Variants in KIF24 observed in about 807,000 individuals in gnomAD.
KIF24 encodes kinesin family member 24.
In KIF24, 81 loss-of-function variants were observed where a neutral mutation model predicts 118.9. That is an observed-to-expected ratio of 0.68 (90% CI 0.57 to 0.82). The LOEUF (loss-of-function observed/expected upper bound fraction) is 0.82. Ranked by LOEUF, KIF24 falls within the 40% of genes least tolerant of loss-of-function variation. The pLI is 0.00. For missense variants in KIF24, 1,560 were observed against 1,661.6 expected (o/e 0.94, Z 1.06); for synonymous variants, 599 against 610.0 (o/e 0.98, Z 0.27).
At position 34,319,006 on chromosome 9, in the gene KIF24, C is replaced by T. The variant is rs143119985; in HGVS notation, c.-25-7635G>A. The T allele has an allele frequency of 5.5e-4, 675 of 1,227,664 alleles. 5 individuals are homozygous for T. The East Asian group carries it at 0.014, about 25-fold the overall frequency. The allele number at this position is 1,227,664 out of a possible 1,614,324, so 76.0% of individuals were successfully genotyped here. The stretch of plus-strand genomic sequence containing the variant: ...AGTGCATGGATGGCGCCCTGCTTGT[C>T]AACACCATGTTCTTCAAGCCACACT... On this transcript the variant is annotated intron_variant, in intron 1 of 12. Coordinates refer to ENST00000402558, the MANE Select transcript of KIF24 (RefSeq NM_194313.4).
intron 1 of KIF24, among the ~76,000 whole-genome samples, chr9:34,315,375 CTA>C (rs1181183466): frequency 1.3e-5 from 2 of 152,114 alleles, no homozygotes; most frequent in East Asian, 1.9e-4. Flanking sequence ...ATATTGCAAT[CTA>C]TGTTTTAATT....
At position 34,297,244 on chromosome 9, in the gene KIF24, G is replaced by T. The variant is rs1836519211; in HGVS notation, c.814-130C>A. On this transcript the variant is annotated intron_variant, in intron 3 of 12. Coordinates refer to ENST00000402558, the MANE Select transcript of KIF24 (RefSeq NM_194313.4). The stretch of plus-strand genomic sequence containing the variant: ...GTAACTGACCATATCAAACTTAGAG[G>T]TAAATAAGCAATCACTATTAAATGA... The T allele has an allele frequency of 5.3e-6, 3 of 567,734 alleles. No individual in the cohort carries two copies. The South Asian group carries it at 7.0e-5, about 13-fold the overall frequency. 35.2% of individuals were successfully genotyped at this position (567,734 alleles called of 1,614,324 possible).
At chr9:34,271,482 T>TTA (rs1835506852) in intron 7 of KIF24, among the ~76,000 whole-genome samples, 1 of 152,178 alleles carries the variant, frequency 6.6e-6, no homozygotes, top group Non-Finnish European at 1.5e-5. Context: ...GAAGAATGGA[T>TTA]TAATCTTCTC....
rs1835725140 is a variant in KIF24 at position 34,278,201 on chromosome 9, G to A, written c.1216-6271C>T. ...AGGTGAGTGGATCACCTGAGGTCAG[G>A]AGTTCGAGACCAGCCTGGCCAACCT... is the stretch of plus-strand genomic sequence containing the variant. On this transcript the variant is annotated intron_variant, in intron 6 of 12. Transcript: ENST00000402558. Among the ~76,000 whole-genome samples, 7 of 152,248 alleles carry A rather than the reference G, an allele frequency of 4.6e-5. 1 individual carries two copies. In the South Asian group the frequency reaches 1.5e-3, roughly 32 times the overall value.
At chr9:34,294,386 T>C (rs569344169) in intron 4 of KIF24, among the ~76,000 whole-genome samples, 4 of 152,032 alleles carry the variant, frequency 2.6e-5, no homozygotes, top group Non-Finnish European at 5.9e-5. Flanking sequence ...AGAAACCCCA[T>C]CTCTACTAAA....
intron 4 of KIF24, among the ~76,000 whole-genome samples, chr9:34,293,693 G>A (rs1404425485): frequency 6.6e-6 from 1 of 151,392 alleles, no homozygotes; most frequent in East Asian, 1.9e-4. Context: ...GGAGAATGGC[G>A]TGAACCCAGG....
At chr9:34,289,390 G>A (rs753478402) in intron 5 of KIF24, among the ~76,000 whole-genome samples, 7 of 152,108 alleles carry the variant, frequency 4.6e-5, no homozygotes, top group South Asian at 2.1e-4. Flanking sequence ...CTTTGTTGCC[G>A]GGCTAGTCTC....
Position 34,257,361 on chromosome 9 carries a change from G to C in KIF24, c.2246C>G (p.Ala749Gly). The C allele has an allele frequency of 1.2e-6, 2 of 1,614,066 alleles. No individual in the cohort carries two copies. The highest frequency in any genetic ancestry group is 1.7e-6 in the Non-Finnish European group (2 of 1,179,902). The change falls in exon 11 of 13, where the codon GCT (alanine) becomes GGT (glycine). Residue 749 changes from alanine to glycine, a missense_variant. Ala to Gly is a moderately conservative substitution (Grantham distance 60). This residue lies in a region of KIF24 where 964 missense variants were observed against 988.0 expected (regional missense o/e 0.98). Coordinates refer to ENST00000402558, the MANE Select transcript of KIF24 (RefSeq NM_194313.4). ...CTGATGTGGCGGGATGTTTGTCCAA[G>C]CTTCAGAGGCAGGCCTAGCAGGCGT... is the stretch of plus-strand genomic sequence containing the variant. ...RGTPARPASE[A>G]WTNIPPHQKE...
upstream of KIF24, among the ~76,000 whole-genome samples, chr9:34,332,370 G>A (rs1363505529): frequency 6.6e-6 from 1 of 152,024 alleles, no homozygotes; most frequent in Non-Finnish European, 1.5e-5. Flanking sequence ...TCCATCTTAC[G>A]TTGCACAAAA....
intron 4 of KIF24, among the ~76,000 whole-genome samples, chr9:34,293,377 G>A (rs748973156): frequency 6.6e-6 from 1 of 151,910 alleles, no homozygotes; most frequent in Non-Finnish European, 1.5e-5. Context: ...CTACTAGGGT[G>A]GCTGAGGCAC....
At chr9:34,284,763 T>C (rs1388517023) in intron 6 of KIF24, among the ~76,000 whole-genome samples, 2 of 152,154 alleles carry the variant, frequency 1.3e-5, no homozygotes, top group African/African-American at 2.4e-5. Flanking sequence ...AGGGGGTTTG[T>C]AGGGTGCTAC....
At chr9:34,283,765 T>C (rs954488249) in intron 6 of KIF24, among the ~76,000 whole-genome samples, 14 of 152,204 alleles carry the variant, frequency 9.2e-5, no homozygotes, top group African/African-American at 3.4e-4. Flanking sequence ...GAACTCCAAA[T>C]TACAAGTTAA....
intron 10 of KIF24, 56 bp downstream of exon 10, chr9:34,259,540 G>A (rs1834977501): frequency 3.8e-6 from 5 of 1,310,876 alleles, no homozygotes; most frequent in Admixed American, 3.4e-5. Flanking sequence ...CACGCGTGCT[G>A]CACAGACATG....
chr9:34,323,068 T>G (rs919492777), intron 1 of KIF24, among the ~76,000 whole-genome samples: 1 of 152,134 alleles, frequency 6.6e-6, no homozygotes. Context: ...TTCTTCTATC[T>G]ATAGACTACT....
intron 6 of KIF24, among the ~76,000 whole-genome samples, chr9:34,282,022 C>T (rs773946324): frequency 6.6e-6 from 1 of 152,114 alleles, no homozygotes; most frequent in Non-Finnish European, 1.5e-5. Context: ...CCAGCGATTT[C>T]ACTCCTAGGC....
rs535968404 is a variant in KIF24 at position 34,291,245 on chromosome 9, G to A, written c.912-856C>T. Reference sequence around the variant, plus strand: ...GTAGGAATTGGGCTGGGCCTTGAAGGCAGAAGCTGAAAAGCAGAGAGCTTC... The same window carrying A: ...GTAGGAATTGGGCTGGGCCTTGAAGACAGAAGCTGAAAAGCAGAGAGCTTC... On this transcript the variant is annotated intron_variant, in intron 4 of 12. Transcript: ENST00000402558. Among the ~76,000 whole-genome samples the A allele has an allele frequency of 2.0e-5, 3 of 152,308 alleles. No homozygotes were observed. The South Asian group carries it at 6.2e-4, about 32-fold the overall frequency.
intron 6 of KIF24, among the ~76,000 whole-genome samples, chr9:34,272,955 G>A (rs1835558895): frequency 6.6e-6 from 1 of 151,996 alleles, no homozygotes; most frequent in South Asian, 2.1e-4. Flanking sequence ...ATTTGGGCCG[G>A]GCATGGTGGC....
rs539415032 is a variant in KIF24 at position 34,269,295 on chromosome 9, TTGTC to T, written c.1401_1404del (p.Thr468ArgfsTer7). On this transcript the variant is annotated frameshift_variant, in exon 8 of 13. Coordinates refer to ENST00000402558, the MANE Select transcript of KIF24 (RefSeq NM_194313.4). LOFTEE classifies it high-confidence loss of function. ...TGATTTATTTCTGCACCTTCCATCT[TTGTC>T]TGTCTATCTGAGTCCCTTGCATCTG... 5.4e-4 allele frequency: 872 copies of T among 1,611,516 alleles called. 15 individuals are homozygous for T. In the Admixed American group the frequency reaches 0.013, roughly 24 times the overall value.
Position 34,310,989 on chromosome 9 carries a change from T to C in KIF24, c.358A>G (p.Ser120Gly). 5.0e-6 allele frequency: 8 copies of C among 1,614,010 alleles called. No homozygotes were observed. Among genetic ancestry groups the C allele is most frequent in the Non-Finnish European group, 6.8e-6 (8 of 1,179,882 alleles). ...NASNDGFEMCSLSDFSANEQK... is the reference protein window; with the variant it reads ...NASNDGFEMCGLSDFSANEQK... Reference sequence around the variant, plus strand: ...TCATTTGCAGAGAAATCTGATAAACTGCACATTTCAAACCCATCATTGCTG... The same window carrying C: ...TCATTTGCAGAGAAATCTGATAAACCGCACATTTCAAACCCATCATTGCTG... Residue 120 changes from serine to glycine, a missense_variant, in exon 2 of 13, where the codon AGT (serine) becomes GGT (glycine). Coordinates refer to ENST00000402558, the MANE Select transcript of KIF24 (RefSeq NM_194313.4).
Sources: allele counts gnomAD v4.1 joint callset (sites outside exome capture counted in the v4.1 genomes callset), GRCh38; gene constraint gnomAD v4.1.1; regional missense constraint gnomAD v4.1.1; transcripts MANE v1.5; gene names NCBI Gene and HGNC (gene_info 2026-07-23, HGNC 2026-07-21).